The following RBP2 variants were observed in gnomAD, a reference collection of about 807,000 sequenced individuals.
RBP2 encodes retinol binding protein 2.
In RBP2, 17 loss-of-function variants were observed where a neutral mutation model predicts 17.0. The observed-to-expected ratio is 1.00, with a 90% confidence interval of 0.68 to 1.50. The LOEUF (loss-of-function observed/expected upper bound fraction) is 1.50, where lower values mean the gene tolerates loss of function less well. Ranked by LOEUF, RBP2 falls within the 40% of genes most tolerant of loss-of-function variation. The pLI is 0.00. For synonymous variants in RBP2, 48 were observed against 57.1 expected (o/e 0.84, Z 0.72); for missense variants, 158 against 168.2 (o/e 0.94, Z 0.33).
chr3:139,465,505 G>A (rs1367879773), intron 1 of RBP2, among the ~76,000 whole-genome samples: 2 of 152,176 alleles, frequency 1.3e-5, no homozygotes, highest in Non-Finnish European at 2.9e-5. Context: ...GTGGTGAGGA[G>A]GCAGTCGAGA....
chr3:139,457,104 C>T (rs1932998415), intron 2 of RBP2, among the ~76,000 whole-genome samples: 1 of 152,212 alleles, frequency 6.6e-6, no homozygotes, highest in African/African-American at 2.4e-5. Context: ...GCCTGTCTCC[C>T]CCAGTAGACA....
At chr3:139,459,141 T>C (rs1245613876) in intron 2 of RBP2, among the ~76,000 whole-genome samples, 1 of 151,984 alleles carries the variant, frequency 6.6e-6, no homozygotes, top group Non-Finnish European at 1.5e-5. Flanking sequence ...AGTTGAGACA[T>C]GGAGCCCTGG....
At chr3:139,454,473 T>G (rs1943361088) in intron 3 of RBP2, among the ~76,000 whole-genome samples, 1 of 152,198 alleles carries the variant, frequency 6.6e-6, no homozygotes, top group Non-Finnish European at 1.5e-5. Flanking sequence ...TATTTCTCCT[T>G]GGATCTCTGC....
intron 1 of RBP2, among the ~76,000 whole-genome samples, chr3:139,462,820 C>A (rs918938525): frequency 6.6e-6 from 1 of 152,032 alleles, no homozygotes; most frequent in Non-Finnish European, 1.5e-5. Context: ...TCTTAGCCCC[C>A]AGTATAGATT....
intron 1 of RBP2, among the ~76,000 whole-genome samples, chr3:139,469,579 A>G (rs987348846): frequency 6.6e-6 from 1 of 152,160 alleles, no homozygotes; most frequent in Non-Finnish European, 1.5e-5. Flanking sequence ...GACTTTGGCA[A>G]CGTGTATACC....
intron 2 of RBP2, among the ~76,000 whole-genome samples, chr3:139,455,833 G>A (rs1932937215): frequency 6.6e-6 from 1 of 152,212 alleles, no homozygotes; most frequent in African/African-American, 2.4e-5. Flanking sequence ...AACATGTGCT[G>A]AACAGCCAGG....
At chr3:139,456,510 C>T (rs1559803964) in intron 2 of RBP2, among the ~76,000 whole-genome samples, 1 of 152,152 alleles carries the variant, frequency 6.6e-6, no homozygotes, top group African/African-American at 2.4e-5. Context: ...TTCATCCCTG[C>T]TATGCAGTCA....
chr3:139,456,144 T>G lies in RBP2; in HGVS notation c.253-1314A>C, dbSNP rs145856089. On this transcript the variant is annotated intron_variant, in intron 2 of 3. Transcript: ENST00000232217. The stretch of plus-strand genomic sequence containing the variant: ...GGATGACCCTGATGCTAGCTGATTT[T>G]CTTCCAAGTATGTGCAAACTACATT... Among the ~76,000 whole-genome samples, 1,458 of 152,324 alleles carry G rather than the reference T, an allele frequency of 9.6e-3. 18 individuals are homozygous for G. Among genetic ancestry groups the G allele is most frequent in the Non-Finnish European group, 0.012 (847 of 68,024 alleles).
At chr3:139,461,781 T>G (rs552931421) in intron 2 of RBP2, among the ~76,000 whole-genome samples, 2 of 152,346 alleles carry the variant, frequency 1.3e-5, no homozygotes, top group Non-Finnish European at 2.9e-5. Context: ...CCTTTCCATG[T>G]GCCCTTGCTC....
At chr3:139,459,840 G>GTT (rs1197500791) in intron 2 of RBP2, among the ~76,000 whole-genome samples, 4 of 126,214 alleles carry the variant, frequency 3.2e-5, no homozygotes, top group African/African-American at 1.2e-4. Context: ...GTGAGTGTGT[G>GTT]TGTGTGTGTG....
At chr3:139,455,673 A>G (rs1180704745) in intron 2 of RBP2, among the ~76,000 whole-genome samples, 7 of 152,122 alleles carry the variant, frequency 4.6e-5, no homozygotes, top group Non-Finnish European at 1.0e-4. Context: ...GACACCAATA[A>G]AGGCAGGGGA....
chr3:139,473,911 G>T lies in RBP2; in HGVS notation c.73+2476C>A, dbSNP rs115954884. On this transcript the variant is annotated intron_variant, in intron 1 of 3. Transcript: ENST00000232217. The stretch of plus-strand genomic sequence containing the variant: ...AAGTTTCTGGGGTCCTGAGACACTG[G>T]GCTGTCAGCATCTGGGTAAACCAGG... 4.4e-3 allele frequency among the ~76,000 whole-genome samples: 672 copies of T among 152,240 alleles called. 7 individuals are homozygous for T. The highest frequency in any genetic ancestry group is 0.016 in the African/African-American group (654 of 41,532).
intron 1 of RBP2, among the ~76,000 whole-genome samples, chr3:139,472,235 C>A (rs182042708): frequency 2.6e-5 from 4 of 152,200 alleles, no homozygotes; most frequent in Non-Finnish European, 5.9e-5. Context: ...TCTATTGATA[C>A]CCATAGCCCC....
intron 1 of RBP2, among the ~76,000 whole-genome samples, chr3:139,472,672 T>A (rs758719725): frequency 1.3e-5 from 2 of 152,110 alleles, no homozygotes; most frequent in East Asian, 3.9e-4. Context: ...TGCTGCCCAA[T>A]TGCAACCAAA....
intron 1 of RBP2, among the ~76,000 whole-genome samples, chr3:139,469,723 A>G (rs1045581805): frequency 1.8e-4 from 27 of 151,402 alleles, no homozygotes; most frequent in African/African-American, 6.3e-4. Context: ...CTATCTATCT[A>G]TCTATCTATC....
intron 1 of RBP2, among the ~76,000 whole-genome samples, chr3:139,470,103 T>C (rs1301884156): frequency 1.3e-5 from 2 of 152,190 alleles, no homozygotes; most frequent in Admixed American, 6.5e-5. Context: ...ATACTCCATT[T>C]GAATGTGTAA....
chr3:139,456,900 G>T lies in RBP2; in HGVS notation c.253-2070C>A, dbSNP rs899099082. ...GCTATATTCATAGGTTGCCTTCCTTGCTCTTTTGGGAGGAAGATGTCTGGA... is the reference window on the plus strand; with the variant it reads ...GCTATATTCATAGGTTGCCTTCCTTTCTCTTTTGGGAGGAAGATGTCTGGA... On this transcript the variant is annotated intron_variant, in intron 2 of 3. Coordinates refer to ENST00000232217, the MANE Select transcript of RBP2 (RefSeq NM_004164.3). Among the ~76,000 whole-genome samples the T allele has an allele frequency of 2.0e-5, 3 of 152,232 alleles. No homozygotes were observed. The East Asian group carries it at 5.8e-4, about 29-fold the overall frequency.
At chr3:139,459,991 AGT>A (rs1461500814) in intron 2 of RBP2, among the ~76,000 whole-genome samples, 1 of 152,134 alleles carries the variant, frequency 6.6e-6, no homozygotes. Flanking sequence ...GAAAGGTAGG[AGT>A]GTGTTAACAC....
intron 3 of RBP2, 146 bp downstream of exon 3, chr3:139,454,583 G>T: frequency 1.5e-6 from 1 of 673,086 alleles, no homozygotes. Flanking sequence ...GATGGGAATG[G>T]CTTTCTGACT....
Sources: allele counts gnomAD v4.1 joint callset (sites outside exome capture counted in the v4.1 genomes callset), GRCh38; gene constraint gnomAD v4.1.1; transcripts MANE v1.5; gene names NCBI Gene and HGNC (gene_info 2026-07-23, HGNC 2026-07-21).